Variants in CHD6 observed in about 807,000 individuals in gnomAD.
The protein encoded by CHD6 is chromodomain helicase DNA binding protein 6.
A neutral mutation model predicts 276.9 loss-of-function variants in CHD6; 50 were observed. The ratio of observed to expected loss-of-function variants is 0.18; its 90% CI spans 0.14 to 0.23. The LOEUF (loss-of-function observed/expected upper bound fraction) is 0.23, where lower values mean the gene tolerates loss of function less well. Among genes scored for constraint, CHD6 ranks in the 10% least tolerant of loss-of-function variants. The pLI is 1.00. For synonymous variants in CHD6, 1,173 were observed against 1,229.3 expected, an observed-to-expected ratio of 0.95 and a Z score of 0.96; for missense variants, 2,564 against 3,365.8, an observed-to-expected ratio of 0.76 and a Z score of 5.89.
At chr20:41,438,071 C>T (rs967077386) in intron 26 of CHD6, among the ~76,000 whole-genome samples, 9 of 152,166 alleles carry the variant, frequency 5.9e-5, no homozygotes, top group African/African-American at 1.9e-4. Context: ...CAAATGAGGC[C>T]TAATGTTGCA....
chr20:41,594,236 C>T (rs2146269475), intron 1 of CHD6, among the ~76,000 whole-genome samples: 2 of 152,328 alleles, frequency 1.3e-5, no homozygotes, highest in Middle Eastern at 6.8e-3. Flanking sequence ...TTGCCTTCTC[C>T]ACTATGGTAT....
In CHD6 at chr20:41,568,281, A is replaced by G. The variant is rs575172481; in HGVS notation, c.-23-16921T>C. On this transcript the variant is annotated intron_variant, in intron 1 of 36. Coordinates refer to ENST00000373233, the MANE Select transcript of CHD6 (RefSeq NM_032221.5). ...ATAATTCTGTTTAAATTCTTTATCT[A>G]CATTCATATAGCCCTCCATTTGAAT... Among the ~76,000 whole-genome samples the G allele has an allele frequency of 9.2e-5, 14 of 152,358 alleles. 3 individuals carry two copies. Among genetic ancestry groups the G allele is most frequent in the African/African-American group, 3.4e-4 (14 of 41,580 alleles).
intron 20 of CHD6, among the ~76,000 whole-genome samples, chr20:41,453,949 C>T (rs942456165): frequency 2.0e-5 from 3 of 152,118 alleles, no homozygotes; most frequent in Non-Finnish European, 4.4e-5. Context: ...GAGTTCAATA[C>T]TCACCTGAGA....
At chr20:41,466,722 C>T (rs1486046761) in intron 17 of CHD6, among the ~76,000 whole-genome samples, 1 of 152,186 alleles carries the variant, frequency 6.6e-6, no homozygotes, top group Non-Finnish European at 1.5e-5. Flanking sequence ...AGCAAAAGAT[C>T]TGATGGAGGA....
intron 5 of CHD6, among the ~76,000 whole-genome samples, chr20:41,506,829 C>T (rs2043987390): frequency 6.6e-6 from 1 of 152,106 alleles, no homozygotes; most frequent in African/African-American, 2.4e-5. Context: ...GTGTTATTTC[C>T]AGAAATTAGA....
chr20:41,457,071 T>C (rs958428639), intron 18 of CHD6, among the ~76,000 whole-genome samples, 193 bp downstream of exon 18: 4 of 152,156 alleles, frequency 2.6e-5, no homozygotes, highest in Admixed American at 2.0e-4. Context: ...TTCTACGGAT[T>C]TCCTTTAACC....
At chr20:41,590,150 T>G (rs2045641399) in intron 1 of CHD6, among the ~76,000 whole-genome samples, 1 of 152,210 alleles carries the variant, frequency 6.6e-6, no homozygotes, top group Non-Finnish European at 1.5e-5. Context: ...CTGGGAAAAC[T>G]GGCTAGCCAT....
At position 41,551,158 on chromosome 20, in the gene CHD6, C is replaced by T. The variant is rs1472981052; in HGVS notation, c.33+147G>A. ...GAAAAATCCATATTATTAAGTCATTCAGAACAGAGCTCTCAGTTACTATAA... is the reference window on the plus strand; with the variant it reads ...GAAAAATCCATATTATTAAGTCATTTAGAACAGAGCTCTCAGTTACTATAA... On this transcript the variant is annotated intron_variant, in intron 2 of 36. Transcript: ENST00000373233. The T allele has an allele frequency of 4.9e-5, 31 of 627,808 alleles. No individual in the cohort carries two copies. In the Admixed American group the frequency reaches 9.7e-4, roughly 20 times the overall value. The allele number at this position is 627,808 out of a possible 1,614,324, so 38.9% of individuals were successfully genotyped here. A position where few individuals can be genotyped will look rare whatever the true frequency, so the allele number is the denominator to read the frequency against.
chr20:41,427,751 C>G (rs773327139), intron 27 of CHD6, among the ~76,000 whole-genome samples: 2 of 152,220 alleles, frequency 1.3e-5, no homozygotes, highest in African/African-American at 2.4e-5. Context: ...CAGGGCTGAT[C>G]TACTGTACCA....
At chr20:41,437,647 G>A (rs1222822125) in intron 26 of CHD6, among the ~76,000 whole-genome samples, 1 of 152,210 alleles carries the variant, frequency 6.6e-6, no homozygotes, top group Non-Finnish European at 1.5e-5. Context: ...CATGAATAAA[G>A]TGGAACTTCC....
intron 14 of CHD6, 123 bp from the exon 15 acceptor site, chr20:41,484,730 G>T: frequency 2.0e-6 from 2 of 988,294 alleles, no homozygotes; most frequent in Non-Finnish European, 3.0e-6. Flanking sequence ...TAGACTAAAA[G>T]AAAGATTATG....
At chr20:41,561,004 G>C (rs895925319) in intron 1 of CHD6, among the ~76,000 whole-genome samples, 2 of 151,712 alleles carry the variant, frequency 1.3e-5, no homozygotes, top group African/African-American at 4.8e-5. Flanking sequence ...TTATTTTATT[G>C]GCTTCTTCCT....
intron 1 of CHD6, among the ~76,000 whole-genome samples, chr20:41,564,383 G>C (rs1256335271): frequency 2.0e-5 from 3 of 152,186 alleles, no homozygotes; most frequent in Admixed American, 6.5e-5. Flanking sequence ...CAACATGGAT[G>C]AATCTCAAAT....
chr20:41,452,705 C>CAAT lies in CHD6; in HGVS notation c.3323+32_3323+34dup, dbSNP rs755783441. ...CTGAAAAACAGAGGGGAACAAACAA[C>CAAT]AATAACAACAAAACTAAGCAGAGCC... is the stretch of plus-strand genomic sequence containing the variant. On this transcript the variant is annotated intron_variant, in intron 21 of 36. Transcript: ENST00000373233. The surrounding 1 kb of genome is among the most constrained non-coding windows in gnomAD (Gnocchi z 4.2). 1 of 1,581,712 alleles carries CAAT rather than the reference C, an allele frequency of 6.3e-7. No homozygotes were observed. Among genetic ancestry groups the CAAT allele is most frequent in the South Asian group, 1.1e-5 (1 of 89,506 alleles).
intron 1 of CHD6, among the ~76,000 whole-genome samples, chr20:41,615,656 C>A (rs976819699): frequency 1.3e-5 from 2 of 152,210 alleles, no homozygotes; most frequent in Non-Finnish European, 2.9e-5. Flanking sequence ...TTGTCCTATA[C>A]CAAAGATATT....
chr20:41,569,923 C>A (rs73613212), intron 1 of CHD6, among the ~76,000 whole-genome samples: 1 of 152,018 alleles, frequency 6.6e-6, no homozygotes, highest in Non-Finnish European at 1.5e-5. Flanking sequence ...GGAACCAATC[C>A]CCCATGGACA....
At chr20:41,572,790 C>T (rs913084548) in intron 1 of CHD6, among the ~76,000 whole-genome samples, 1 of 152,184 alleles carries the variant, frequency 6.6e-6, no homozygotes. Flanking sequence ...AATCTGAACC[C>T]TAACCCTGGG....
intron 36 of CHD6, among the ~76,000 whole-genome samples, chr20:41,408,690 C>T (rs1224297126): frequency 6.6e-6 from 1 of 152,184 alleles, no homozygotes; most frequent in Admixed American, 6.5e-5. Context: ...GAGAAAGATA[C>T]TGGGGAGTGT....
Position 41,404,546 on chromosome 20 carries a change from G to T in CHD6, c.*47C>A. 6.8e-7 allele frequency: 1 copy of T among 1,464,638 alleles called. No homozygotes were observed. Among genetic ancestry groups the T allele is most frequent in the Middle Eastern group, 2.3e-4 (1 of 4,304 alleles). 90.7% of individuals were successfully genotyped at this position (1,464,638 alleles called of 1,614,324 possible). A position where few individuals can be genotyped will look rare whatever the true frequency, so the allele number is the denominator to read the frequency against. On this transcript the variant is annotated 3_prime_UTR_variant, in exon 37 of 37. Coordinates refer to ENST00000373233, the MANE Select transcript of CHD6 (RefSeq NM_032221.5). ...GTGAGGGAAGTAACAAACCTTTATGGGATAAGAAACTTACAAGTCACAATA... is the reference window on the plus strand; with the variant it reads ...GTGAGGGAAGTAACAAACCTTTATGTGATAAGAAACTTACAAGTCACAATA...
Sources: allele counts gnomAD v4.1 joint callset (sites outside exome capture counted in the v4.1 genomes callset), GRCh38; gene constraint gnomAD v4.1.1; non-coding constraint Gnocchi (gnomAD v3.1); transcripts MANE v1.5; gene names NCBI Gene and HGNC (gene_info 2026-07-23, HGNC 2026-07-21).